The following GLI3 variants were observed in gnomAD, a reference collection of about 807,000 sequenced individuals.
GLI3 encodes the protein transcription activator GLI3.
GLI3 carries 20 observed loss-of-function variants against 100.8 expected under a neutral mutation model. That is an observed-to-expected ratio of 0.20 (90% CI 0.14 to 0.29). The LOEUF is 0.29. GLI3 is among the 10% of genes least tolerant of loss of function. The pLI is 1.00. For synonymous variants in GLI3, 938 were observed against 860.5 expected, an observed-to-expected ratio of 1.09 and a Z score of -1.58; for missense variants, 2,040 against 2,128.5, an observed-to-expected ratio of 0.96 and a Z score of 0.82.
intron 3 of GLI3, among the ~76,000 whole-genome samples, chr7:42,110,962 A>C (rs1001008874): frequency 2.6e-5 from 4 of 152,142 alleles, no homozygotes; most frequent in Non-Finnish European, 5.9e-5. Flanking sequence ...GAGCTTTGGA[A>C]ACCAGTCAAA....
intron 3 of GLI3, among the ~76,000 whole-genome samples, chr7:42,091,878 A>G (rs998937011): frequency 2.0e-5 from 3 of 152,216 alleles, no homozygotes; most frequent in African/African-American, 7.2e-5. Context: ...TTCAACGTTT[A>G]CTTTAGTCCC....
chr7:42,168,242 G>A (rs1387153279), intron 2 of GLI3, among the ~76,000 whole-genome samples: 6 of 152,114 alleles, frequency 3.9e-5, no homozygotes, highest in East Asian at 1.9e-4. Flanking sequence ...TAAAAGTAAC[G>A]TCAAGGAAAG....
chr7:42,020,955 A>G (rs1199565989), intron 10 of GLI3, among the ~76,000 whole-genome samples: 2 of 151,870 alleles, frequency 1.3e-5, no homozygotes, highest in African/African-American at 2.4e-5. Flanking sequence ...TCTACCACCA[A>G]AGTAATTAGG....
At chr7:41,977,496 G>A in intron 12 of GLI3, 62 bp downstream of exon 12, 4 of 1,538,878 alleles carry the variant, frequency 2.6e-6, no homozygotes, top group South Asian at 1.1e-5. Context: ...CTTCCCATGT[G>A]CCTTCCCCGG....
chr7:42,185,556 T>C (rs946436578), intron 2 of GLI3, among the ~76,000 whole-genome samples: 10 of 152,382 alleles, frequency 6.6e-5, no homozygotes, highest in Middle Eastern at 3.4e-3. Flanking sequence ...CTCTAGCTTC[T>C]GTCTTGCAGC....
At chr7:42,253,934 A>G (rs557656856) in intron 1 of GLI3, among the ~76,000 whole-genome samples, 7 of 152,284 alleles carry the variant, frequency 4.6e-5, no homozygotes, top group African/African-American at 1.7e-4. Flanking sequence ...ATTTAAAAGC[A>G]ATGGGCCGGA....
chr7:42,232,159 CT>C (rs1788707054), intron 1 of GLI3, among the ~76,000 whole-genome samples: 1 of 152,066 alleles, frequency 6.6e-6, no homozygotes, highest in African/African-American at 2.4e-5. Context: ...AGAAAAGCCC[CT>C]CTAGCTGTTT....
intron 2 of GLI3, among the ~76,000 whole-genome samples, chr7:42,154,354 G>T (rs1424041890): frequency 6.6e-6 from 1 of 152,086 alleles, no homozygotes; most frequent in Admixed American, 6.5e-5. Flanking sequence ...CTCGGCCAGG[G>T]GCTTTGTGTG....
intron 3 of GLI3, 89 bp downstream of exon 3, chr7:42,148,137 A>G (rs1008047123): frequency 0.056 from 2,434 of 43,678 alleles, no homozygotes; most frequent in Non-Finnish European, 0.068. Context: ...TAAAGCGCGC[A>G]CACACACACA....
In GLI3 at chr7:42,223,115, C is replaced by G. The variant is rs377530671; in HGVS notation, c.124+15G>C. The G allele has an allele frequency of 2.5e-6, 4 of 1,613,416 alleles. No homozygotes were observed. The African/African-American group carries it at 5.3e-5, about 22-fold the overall frequency. On this transcript the variant is annotated intron_variant, in intron 2 of 14. Coordinates refer to ENST00000395925, the MANE Select transcript of GLI3 (RefSeq NM_000168.6). ...GACTCCAGGCTGGGCTGCTGGTAAT[C>G]CCTGTGCTGCTCACCATTAGAAGTG...
At chr7:42,214,657 A>C (rs550599293) in intron 2 of GLI3, among the ~76,000 whole-genome samples, 17 of 151,100 alleles carry the variant, frequency 1.1e-4, no homozygotes, top group African/African-American at 3.9e-4. Flanking sequence ...CAAAAAAAGA[A>C]AAAAAAGACA....
At chr7:42,167,799 G>A (rs1787274785) in intron 2 of GLI3, among the ~76,000 whole-genome samples, 1 of 152,126 alleles carries the variant, frequency 6.6e-6, no homozygotes, top group Admixed American at 6.5e-5. Context: ...AGAATTTAGA[G>A]AGAGAGAAAA....
intron 10 of GLI3, among the ~76,000 whole-genome samples, chr7:41,984,642 C>A (rs1233581730): frequency 6.6e-6 from 1 of 152,182 alleles, no homozygotes; most frequent in Non-Finnish European, 1.5e-5. Context: ...AAGGTGAATT[C>A]CACTGTTGTA....
intron 3 of GLI3, among the ~76,000 whole-genome samples, chr7:42,140,160 C>A (rs373948001): frequency 6.6e-6 from 1 of 152,220 alleles, no homozygotes; most frequent in Non-Finnish European, 1.5e-5. Context: ...CTCCGGGAGG[C>A]CTTCTGGACT....
intron 4 of GLI3, among the ~76,000 whole-genome samples, chr7:42,070,100 A>G (rs1784755521): frequency 6.6e-6 from 1 of 152,356 alleles, no homozygotes; most frequent in South Asian, 2.1e-4. Context: ...GAGTCTTCTC[A>G]AATGTGATTA....
At position 41,972,209 on chromosome 7, in the gene GLI3, C is replaced by T; in HGVS notation, c.2103+128G>A. The T allele has an allele frequency of 1.1e-6, 1 of 886,320 alleles. No homozygotes were observed. Among genetic ancestry groups the T allele is most frequent in the Non-Finnish European group, 1.9e-6 (1 of 523,588 alleles). The allele number at this position is 886,320 out of a possible 1,614,324, so 54.9% of individuals were successfully genotyped here. On this transcript the variant is annotated intron_variant, in intron 13 of 14. Coordinates refer to ENST00000395925, the MANE Select transcript of GLI3 (RefSeq NM_000168.6). This position sits in a 1 kb window ranked among gnomAD's most constrained non-coding sequence, Gnocchi z 4.4. Reference sequence around the variant, plus strand: ...CACGTAAGCAATACGGGTCACTGCCCTCATCGCCTCCTCAGATCAGAGACA... The same window carrying T: ...CACGTAAGCAATACGGGTCACTGCCTTCATCGCCTCCTCAGATCAGAGACA...
At chr7:41,983,060 CT>C (rs1034999994) in intron 10 of GLI3, among the ~76,000 whole-genome samples, 11 of 152,034 alleles carry the variant, frequency 7.2e-5, no homozygotes, top group Non-Finnish European at 1.5e-4. Flanking sequence ...TATTCTTTGA[CT>C]TTTTTTTCAA....
intron 14 of GLI3, 134 bp downstream of exon 14, chr7:41,967,459 GGGC>G: frequency 1.4e-6 from 1 of 714,052 alleles, no homozygotes. Flanking sequence ...CAACTTGAAT[GGGC>G]TAAACATTAA....
At chr7:42,101,496 C>T (rs1323813519) in intron 3 of GLI3, among the ~76,000 whole-genome samples, 2 of 151,866 alleles carry the variant, frequency 1.3e-5, no homozygotes, top group Non-Finnish European at 2.9e-5. Flanking sequence ...GTTCCAGCTA[C>T]TCATGAGGCT....
Sources: allele counts gnomAD v4.1 joint callset (sites outside exome capture counted in the v4.1 genomes callset), GRCh38; gene constraint gnomAD v4.1.1; non-coding constraint Gnocchi (gnomAD v3.1); transcripts MANE v1.5; gene names NCBI Gene and HGNC (gene_info 2026-07-23, HGNC 2026-07-21).